ATP2C2: variants seen among roughly 807,000 people sequenced by gnomAD.
ATP2C2 encodes ATPase secretory pathway Ca2+ transporting 2.
Under a neutral mutation model 110.8 loss-of-function variants are expected in ATP2C2, and 171 were observed. That is an observed-to-expected ratio of 1.54 (90% CI 1.36 to 1.75). The LOEUF (loss-of-function observed/expected upper bound fraction) is 1.75. Ranked by LOEUF, ATP2C2 falls within the 40% of genes most tolerant of loss-of-function variation. The pLI is 0.00. For missense variants in ATP2C2, 1,963 were observed against 1,235.0 expected, an observed-to-expected ratio of 1.59 and a Z score of -8.84; for synonymous variants, 804 against 508.4, an observed-to-expected ratio of 1.58 and a Z score of -7.82.
intron 1 of ATP2C2, among the ~76,000 whole-genome samples, chr16:84,376,424 A>G (rs955745695): frequency 2.0e-5 from 3 of 152,268 alleles, no homozygotes; most frequent in Admixed American, 1.3e-4. Flanking sequence ...AGGGATTACT[A>G]CTGGGTGAGT....
chr16:84,392,107 GAAT>G (rs1441673784), intron 1 of ATP2C2, among the ~76,000 whole-genome samples: 1 of 151,852 alleles, frequency 6.6e-6, no homozygotes, highest in African/African-American at 2.4e-5. Flanking sequence ...GAAATAGACA[GAAT>G]AATGGAATGA....
chr16:84,390,282 C>T lies in ATP2C2; in HGVS notation c.100-8217C>T, dbSNP rs546218826. ...GAGGGAGGCTGTTCGCCCGGAGGTG[C>T]CGCTGGCTCCCTTGCTCTGGAGTGA... On this transcript the variant is annotated intron_variant, in intron 1 of 26. Transcript: ENST00000262429. Among the ~76,000 whole-genome samples the T allele has an allele frequency of 2.6e-5, 4 of 152,340 alleles. No individual in the cohort carries two copies. The East Asian group carries it at 7.7e-4, about 29-fold the overall frequency.
At chr16:84,377,150 G>C (rs952708015) in intron 1 of ATP2C2, among the ~76,000 whole-genome samples, 1 of 152,134 alleles carries the variant, frequency 6.6e-6, no homozygotes. Flanking sequence ...AGTGGAAGCC[G>C]TGTGCTAAGT....
chr16:84,452,850 C>T (rs1255620463), intron 18 of ATP2C2, among the ~76,000 whole-genome samples: 1 of 152,094 alleles, frequency 6.6e-6, no homozygotes, highest in Admixed American at 6.6e-5. Context: ...GGAAAAGGTT[C>T]ACGGGCTTTG....
intron 15 of ATP2C2, among the ~76,000 whole-genome samples, chr16:84,444,934 C>T (rs1567730652): frequency 6.6e-6 from 1 of 152,172 alleles, no homozygotes; most frequent in African/African-American, 2.4e-5. Context: ...GGCTTTTCTT[C>T]CATTATTGCT....
chr16:84,449,665 T>G (rs1443380694), intron 17 of ATP2C2, among the ~76,000 whole-genome samples: 1 of 152,034 alleles, frequency 6.6e-6, no homozygotes, highest in African/African-American at 2.4e-5. Flanking sequence ...AGAAGGTCCT[T>G]TTCACCTCGC....
intron 24 of ATP2C2, 42 bp downstream of exon 24, chr16:84,460,843 C>A: frequency 6.4e-7 from 1 of 1,572,968 alleles, no homozygotes; most frequent in Non-Finnish European, 8.6e-7. Context: ...AGCCCTGGTG[C>A]GGTGCAGACG....
intron 16 of ATP2C2, among the ~76,000 whole-genome samples, chr16:84,447,403 T>G (rs984065907): frequency 2.6e-5 from 4 of 151,514 alleles, no homozygotes; most frequent in Non-Finnish European, 5.9e-5. Flanking sequence ...AATGAAAGCT[T>G]CTTTCATTCC....
intron 1 of ATP2C2, among the ~76,000 whole-genome samples, chr16:84,393,669 A>C (rs1464919560): frequency 6.7e-6 from 1 of 149,546 alleles, no homozygotes; most frequent in Non-Finnish European, 1.5e-5. Context: ...CCATGCTGAG[A>C]TGTTTATGGG....
At chr16:84,377,959 A>C (rs1262261407) in intron 1 of ATP2C2, among the ~76,000 whole-genome samples, 1 of 152,126 alleles carries the variant, frequency 6.6e-6, no homozygotes, top group Non-Finnish European at 1.5e-5. Context: ...GACCTTCCCT[A>C]AGACCTCCCT....
intron 1 of ATP2C2, among the ~76,000 whole-genome samples, chr16:84,371,679 C>G (rs893097035): frequency 6.6e-6 from 1 of 152,204 alleles, no homozygotes. Flanking sequence ...CCTCAGGGCT[C>G]CCATCTCTTA....
chr16:84,384,409 C>A (rs12920184), intron 1 of ATP2C2, among the ~76,000 whole-genome samples: 25,060 of 152,180 alleles, frequency 0.16, 2,251 homozygotes, highest in South Asian at 0.27. Context: ...TTACGCGCTT[C>A]TGGAGAAAGC....
chr16:84,426,796 C>G (rs577053092), intron 11 of ATP2C2, among the ~76,000 whole-genome samples: 2 of 152,274 alleles, frequency 1.3e-5, no homozygotes, highest in South Asian at 2.1e-4. Flanking sequence ...AGGCCACACG[C>G]GGACAGCAGG....
chr16:84,436,006 G>C (rs1025099929), intron 11 of ATP2C2, among the ~76,000 whole-genome samples: 3 of 152,142 alleles, frequency 2.0e-5, no homozygotes, highest in Non-Finnish European at 2.9e-5. Context: ...GCACATGCCT[G>C]TAATTCCAGC....
intron 1 of ATP2C2, among the ~76,000 whole-genome samples, chr16:84,385,275 T>C (rs1904303841): frequency 6.6e-6 from 1 of 151,862 alleles, no homozygotes; most frequent in African/African-American, 2.4e-5. Flanking sequence ...CCCATGCTTT[T>C]AAATGACGAG....
In ATP2C2 at chr16:84,453,151, C is replaced by T; in HGVS notation, c.1845C>T (p.Gly615=). 2 of 1,612,740 alleles carry T rather than the reference C, an allele frequency of 1.2e-6. No homozygotes were observed. The highest frequency in any genetic ancestry group is 8.5e-7 in the Non-Finnish European group (1 of 1,179,304). Reference sequence around the variant, plus strand: ...GTTCTTCTGAAGGAAGAAACATCGGCCTGTGCAACGGGAAGCTGCAAGCCA... The same window carrying T: ...GTTCTTCTGAAGGAAGAAACATCGGTCTGTGCAACGGGAAGCTGCAAGCCA... The part of the protein sequence containing the change: ...ETALAIGRNI[G]LCNGKLQAMS... Residue 615 remains glycine (G), a synonymous_variant, in exon 19 of 27, where the codon GGC becomes GGT. Transcript: ENST00000262429.
chr16:84,424,576 CTTTT>C (rs371614449), intron 10 of ATP2C2, among the ~76,000 whole-genome samples: 29 of 114,874 alleles, frequency 2.5e-4, no homozygotes, highest in African/African-American at 7.2e-4. Context: ...CCGCACTGGG[CTTTT>C]TTTTTTTTTT....
At chr16:84,458,984 C>CA in intron 21 of ATP2C2, 136 bp from the exon 22 acceptor site, 1 of 922,004 alleles carries the variant, frequency 1.1e-6, no homozygotes, top group Non-Finnish European at 1.7e-6. Flanking sequence ...CCAAGAATGC[C>CA]AGCAAGGGGA....
chr16:84,427,673 C>T (rs1003634012), intron 11 of ATP2C2, among the ~76,000 whole-genome samples: 3 of 152,104 alleles, frequency 2.0e-5, no homozygotes, highest in East Asian at 1.9e-4. Context: ...GCCGAGATTG[C>T]GCCACTGCCC....
Sources: allele counts gnomAD v4.1 joint callset (sites outside exome capture counted in the v4.1 genomes callset), GRCh38; gene constraint gnomAD v4.1.1; transcripts MANE v1.5; gene names NCBI Gene and HGNC (gene_info 2026-07-23, HGNC 2026-07-21).